The following MITD1 variants were observed in gnomAD, a reference collection of about 807,000 sequenced individuals.
MITD1 encodes MIT domain-containing protein 1.
A neutral mutation model predicts 34.9 loss-of-function variants in MITD1; 24 were observed. The ratio of observed to expected loss-of-function variants is 0.69; its 90% CI spans 0.50 to 0.97. The LOEUF is 0.97. Ranked by LOEUF, MITD1 falls within the 50% of genes least tolerant of loss-of-function variation. The pLI, the probability that MITD1 is intolerant of heterozygous loss-of-function variation, is 0.00. For missense variants in MITD1, 266 were observed against 294.6 expected, an observed-to-expected ratio of 0.90 and a Z score of 0.71; for synonymous variants, 102 against 101.4, an observed-to-expected ratio of 1.01 and a Z score of -0.04.
In MITD1 at chr2:99,169,347, G is replaced by A. The variant is rs2093842076; in HGVS notation, c.*28C>T. ...AAAAATCCAATATTCACTTAAAGTA[G>A]ACATAATACAAATTAGGCTACCACC... On this transcript the variant is annotated 3_prime_UTR_variant, in exon 7 of 7. Coordinates refer to ENST00000289359, the MANE Select transcript of MITD1 (RefSeq NM_138798.3). The A allele has an allele frequency of 8.9e-7, 1 of 1,119,904 alleles. No homozygotes were observed. The highest frequency in any genetic ancestry group is 1.6e-5 in the African/African-American group (1 of 63,504). The allele number at this position is 1,119,904 out of a possible 1,614,324, so 69.4% of individuals were successfully genotyped here. A position where few individuals can be genotyped will look rare whatever the true frequency, so the allele number is the denominator to read the frequency against.
At chr2:99,171,245 A>G (rs1275529976) in intron 4 of MITD1, 98 bp downstream of exon 4, 4 of 855,862 alleles carry the variant, frequency 4.7e-6, no homozygotes, top group Non-Finnish European at 7.6e-6. Context: ...AAGGAAACAA[A>G]TCTAGCTGAA....
Position 99,179,374 on chromosome 2 carries a change from T to C in MITD1, c.151+1457A>G, listed in dbSNP as rs77787609. ...GAACTTGAAAGCGAACAATACTTTT[T>C]ATGCTGTAAAACGAGAATACCATCA... is the stretch of plus-strand genomic sequence containing the variant. On this transcript the variant is annotated intron_variant, in intron 1 of 6. Transcript: ENST00000289359. 5.3e-5 allele frequency among the ~76,000 whole-genome samples: 8 copies of C among 152,270 alleles called. No individual in the cohort carries two copies. In the East Asian group the frequency reaches 7.7e-4, roughly 15 times the overall value.
intron 7 of MITD1, chr2:99,163,164 C>A: frequency 6.3e-6 from 5 of 789,414 alleles, no homozygotes; most frequent in African/African-American, 1.8e-5. Flanking sequence ...AAAACCTAGT[C>A]TCTTTTAGTA....
intron 1 of MITD1, 145 bp downstream of exon 1, chr2:99,180,685 GT>G: frequency 1.4e-6 from 1 of 712,792 alleles, no homozygotes; most frequent in East Asian, 2.5e-5. Context: ...AAGCGGCCCA[GT>G]TGTCCTATAG....
chr2:99,164,934 A>G (rs908612582), downstream of MITD1, among the ~76,000 whole-genome samples: 7 of 151,842 alleles, frequency 4.6e-5, no homozygotes, highest in South Asian at 8.3e-4. Flanking sequence ...CCTGAAACAT[A>G]TGGACTCAAG....
At chr2:99,161,723 G>T (rs896036007), downstream of MITD1, 17 of 438,730 alleles carry the variant, frequency 3.9e-5, no homozygotes, top group Non-Finnish European at 5.6e-5. Context: ...CAGACTTATT[G>T]TTTGAAAACT....
chr2:99,165,230 G>C (rs932657961), downstream of MITD1, among the ~76,000 whole-genome samples: 8 of 151,974 alleles, frequency 5.3e-5, no homozygotes, highest in Non-Finnish European at 7.4e-5. Flanking sequence ...ACCACGCCTG[G>C]CTAATTTTTG....
chr2:99,167,161 A>C (rs951976128), downstream of MITD1, among the ~76,000 whole-genome samples: 11 of 151,998 alleles, frequency 7.2e-5, no homozygotes, highest in Admixed American at 3.9e-4. Context: ...GCCTATGCCC[A>C]TACATTTTTA....
At chr2:99,171,757 T>C (rs2093859637) in intron 2 of MITD1, 111 bp from the exon 3 acceptor site, 1 of 1,024,958 alleles carries the variant, frequency 9.8e-7, no homozygotes, top group Non-Finnish European at 1.4e-6. Context: ...TTTTTTTAAC[T>C]TATTCAGCAA....
At chr2:99,173,199 TAC>T in intron 2 of MITD1, 1 of 223,402 alleles carries the variant, frequency 4.5e-6, no homozygotes, top group East Asian at 8.4e-5. Flanking sequence ...TATGTACTGA[TAC>T]AGGATAGTAG....
chr2:99,161,607 G>A (rs954504640), downstream of MITD1: 1 of 171,652 alleles, frequency 5.8e-6, no homozygotes, highest in South Asian at 1.5e-4. Context: ...GGAGGCCAAG[G>A]TGGGAGGACT....
intron 1 of MITD1, among the ~76,000 whole-genome samples, chr2:99,180,543 A>G (rs181465614): frequency 1.3e-5 from 2 of 152,354 alleles, no homozygotes; most frequent in East Asian, 3.9e-4. Flanking sequence ...TAAAGTTCGT[A>G]CAAACCCAGG....
intron 1 of MITD1, among the ~76,000 whole-genome samples, 193 bp from the exon 2 acceptor site, chr2:99,174,209 T>C (rs902614465): frequency 6.6e-6 from 1 of 152,190 alleles, no homozygotes; most frequent in Admixed American, 6.5e-5. Flanking sequence ...CGAAGCGTGA[T>C]GCAGCTTGGT....
chr2:99,174,378 T>A (rs1356978073), intron 1 of MITD1, among the ~76,000 whole-genome samples: 1 of 152,132 alleles, frequency 6.6e-6, no homozygotes, highest in Non-Finnish European at 1.5e-5. Flanking sequence ...TAGCAAAAAA[T>A]ATTTATCTTC....
intron 7 of MITD1, among the ~76,000 whole-genome samples, chr2:99,163,511 A>G (rs981298961): frequency 6.6e-6 from 1 of 151,882 alleles, no homozygotes; most frequent in East Asian, 1.9e-4. Flanking sequence ...TATTTTTAAT[A>G]GAGACAGGGT....
intron 7 of MITD1, chr2:99,162,409 G>T (rs150683925): frequency 1.2e-6 from 2 of 1,613,990 alleles, no homozygotes; most frequent in Admixed American, 3.3e-5. Context: ...GCTACCAAAA[G>T]ATTTGACCTT....
chr2:99,173,683 A>C, intron 2 of MITD1: 1 of 554,140 alleles, frequency 1.8e-6, no homozygotes, highest in Non-Finnish European at 3.2e-6. Context: ...AGATGTTCAA[A>C]GGGGTGTCTG....
At chr2:99,177,618 CTA>C (rs1455339931) in intron 1 of MITD1, among the ~76,000 whole-genome samples, 2 of 152,072 alleles carry the variant, frequency 1.3e-5, no homozygotes, top group African/African-American at 4.8e-5. Flanking sequence ...ATTATTAACT[CTA>C]GTCACCCTAT....
Position 99,180,896 on chromosome 2 carries a change from G to T in MITD1, c.86C>A (p.Ser29Ter). Residue 29 changes from serine to a stop codon, truncating the protein, a stop_gained, in exon 1 of 7, where the codon TCG becomes TAG. Transcript: ENST00000289359. LOFTEE classifies it high-confidence loss of function. ...ACACACCAGAGCCTGCGGATACCGC[G>T]ACTCCGAATCTAGTTCTACTGCCCG... ...LKRAVELDSESRYPQALVCYQ... is the reference protein window; with the variant it reads ...LKRAVELDSE The T allele has an allele frequency of 6.2e-7, 1 of 1,614,160 alleles. No individual in the cohort carries two copies. The highest frequency in any genetic ancestry group is 8.5e-7 in the Non-Finnish European group (1 of 1,180,032).
Sources: allele counts gnomAD v4.1 joint callset (sites outside exome capture counted in the v4.1 genomes callset), GRCh38; gene constraint gnomAD v4.1.1; transcripts MANE v1.5; gene names NCBI Gene and HGNC (gene_info 2026-07-23, HGNC 2026-07-21).